TUBGCP5: variants seen among roughly 807,000 people sequenced by gnomAD.
TUBGCP5 encodes the protein tubulin gamma complex component 5.
In TUBGCP5, 98 loss-of-function variants were observed where a neutral mutation model predicts 134.7. The observed-to-expected ratio is 0.73, with a 90% CI of 0.62 to 0.86. The LOEUF (loss-of-function observed/expected upper bound fraction) is 0.86. TUBGCP5 is among the 40% of genes least tolerant of loss of function. The pLI is 0.00. For missense variants in TUBGCP5, 1,150 were observed against 1,244.8 expected (o/e 0.92, Z 1.15); for synonymous variants, 456 against 431.4 (o/e 1.06, Z -0.71).
At chr15:23,023,371 C>G (rs1016025346) in intron 10 of TUBGCP5, 1 of 151,772 alleles carries the variant, frequency 6.6e-6, no homozygotes, top group African/African-American at 2.4e-5. Context: ...ACAGATAACT[C>G]ACTGCCTGTG....
intron 3 of TUBGCP5, 21 bp downstream of exon 3, chr15:23,036,876 A>T (rs1377053698): frequency 1.4e-6 from 2 of 1,407,982 alleles, no homozygotes; most frequent in Non-Finnish European, 2.0e-6. Context: ...CACAGTGGAG[A>T]TCTCATAATT....
At chr15:22,991,628 C>A (rs2063848759) in intron 23 of TUBGCP5, among the ~76,000 whole-genome samples, 1 of 152,152 alleles carries the variant, frequency 6.6e-6, no homozygotes, top group Non-Finnish European at 1.5e-5. Flanking sequence ...GCCAGGACTG[C>A]CACTACTGCC....
chr15:22,998,357 T>C (rs545643508), downstream of TUBGCP5, among the ~76,000 whole-genome samples: 18 of 151,630 alleles, frequency 1.2e-4, 1 homozygote, highest in South Asian at 4.1e-4. Context: ...GTACCAACAG[T>C]TGGCCCTAAG....
chr15:23,026,126 C>T lies in TUBGCP5; in HGVS notation c.817G>A (p.Glu273Lys). 1 of 1,607,460 alleles carries T rather than the reference C, an allele frequency of 6.2e-7. No individual in the cohort carries two copies. Among genetic ancestry groups the T allele is most frequent in the Non-Finnish European group, 8.5e-7 (1 of 1,178,134 alleles). The change falls in exon 8 of 23, where the codon GAA (glutamate) becomes AAA (lysine). Residue 273 changes from glutamate (E) to lysine (K), a missense_variant. Around this residue, in one of 2 missense-constraint regions of TUBGCP5, gnomAD observed 453 missense variants for 394.7 expected, o/e 1.15. Coordinates refer to ENST00000615383, the MANE Select transcript of TUBGCP5 (RefSeq NM_052903.6). ...ATGAACATTTCTTACCATAGGGTTT[C>T]CCGAATAACCTGAGTCTCAGTAACC... ...VLVTETQVIR[E>K]TLWLLSGVKK...
At chr15:22,985,069 C>T (rs2063639742) in intron 23 of TUBGCP5, among the ~76,000 whole-genome samples, 1 of 152,142 alleles carries the variant, frequency 6.6e-6, no homozygotes, top group African/African-American at 2.4e-5. Flanking sequence ...CTTTAACTCA[C>T]ACTTCAGAAA....
At chr15:22,984,378 G>A (rs961339601) in intron 23 of TUBGCP5, among the ~76,000 whole-genome samples, 2 of 152,098 alleles carry the variant, frequency 1.3e-5, no homozygotes, top group African/African-American at 2.4e-5. Context: ...CCAGCACTTT[G>A]GGAGGCCAAG....
At chr15:23,032,317 T>C (rs994060327) in intron 4 of TUBGCP5, among the ~76,000 whole-genome samples, 1 of 152,162 alleles carries the variant, frequency 6.6e-6, no homozygotes, top group Admixed American at 6.5e-5. Flanking sequence ...TACACCACCC[T>C]CCGCAATGCT....
chr15:23,024,961 G>C (rs1329685591), intron 8 of TUBGCP5, 131 bp from the exon 9 acceptor site: 1 of 605,196 alleles, frequency 1.7e-6, no homozygotes, highest in Non-Finnish European at 3.0e-6. Flanking sequence ...GAGTGCAGCA[G>C]CATGATCACA....
intron 13 of TUBGCP5, among the ~76,000 whole-genome samples, chr15:23,011,711 A>G (rs1019990037): frequency 8.6e-6 from 1 of 116,190 alleles, no homozygotes. Context: ...GGGTTTCACC[A>G]TGTTGGTCAG....
chr15:22,994,660 A>G (rs917616060), downstream of TUBGCP5, among the ~76,000 whole-genome samples: 4 of 152,198 alleles, frequency 2.6e-5, no homozygotes, highest in Non-Finnish European at 4.4e-5. Context: ...TAAAGCCACT[A>G]TAAACATTTG....
At chr15:23,024,297 AG>A in intron 9 of TUBGCP5, 104 bp from the exon 10 acceptor site, 3 of 1,302,726 alleles carry the variant, frequency 2.3e-6, no homozygotes, top group Non-Finnish European at 3.1e-6. Flanking sequence ...TGTTTTAAAC[AG>A]TATGTTTAGT....
chr15:23,037,699 TC>T (rs2066675496), intron 1 of TUBGCP5, among the ~76,000 whole-genome samples: 1 of 152,180 alleles, frequency 6.6e-6, no homozygotes, highest in Admixed American at 6.5e-5. Context: ...TTTACAAATA[TC>T]TACAACTCTG....
chr15:23,020,576 C>T, intron 11 of TUBGCP5, among the ~76,000 whole-genome samples: 1 of 91,802 alleles, frequency 1.1e-5, no homozygotes, highest in South Asian at 3.9e-4. Context: ...CAGAGCAAGA[C>T]TACGTCTCAA....
chr15:22,992,821 TATAC>T (rs2063892312), intron 23 of TUBGCP5, among the ~76,000 whole-genome samples: 1 of 152,092 alleles, frequency 6.6e-6, no homozygotes, highest in Admixed American at 6.6e-5. Flanking sequence ...TAGGACAGAA[TATAC>T]ATAATAAACG....
chr15:23,031,559 C>T (rs1301954483), intron 5 of TUBGCP5, among the ~76,000 whole-genome samples: 1 of 152,004 alleles, frequency 6.6e-6, no homozygotes, highest in Non-Finnish European at 1.5e-5. Context: ...CTCAAGTGAT[C>T]CGCCTACCTC....
intron 11 of TUBGCP5, among the ~76,000 whole-genome samples, chr15:23,020,963 C>T (rs1215444313): frequency 6.6e-6 from 1 of 151,952 alleles, no homozygotes; most frequent in Non-Finnish European, 1.5e-5. Flanking sequence ...GGTGCGATCT[C>T]GGCTCACTGC....
At chr15:23,025,668 T>C (rs1038912882) in intron 8 of TUBGCP5, among the ~76,000 whole-genome samples, 2 of 151,944 alleles carry the variant, frequency 1.3e-5, no homozygotes, top group Admixed American at 1.3e-4. Context: ...CCGTCTCTAC[T>C]AAAAAAGTAA....
intron 23 of TUBGCP5, among the ~76,000 whole-genome samples, chr15:22,992,509 T>TCA (rs1422314675): frequency 1.3e-5 from 2 of 152,076 alleles, no homozygotes; most frequent in Admixed American, 1.3e-4. Context: ...TATATGTGTG[T>TCA]CACACACACA....
At chr15:23,037,486 C>T (rs1480853022) in intron 1 of TUBGCP5, among the ~76,000 whole-genome samples, 2 of 151,912 alleles carry the variant, frequency 1.3e-5, no homozygotes, top group South Asian at 2.1e-4. Context: ...TAGTGAGGCC[C>T]GGTGAAGCCT....
Sources: allele counts gnomAD v4.1 joint callset (sites outside exome capture counted in the v4.1 genomes callset), GRCh38; gene constraint gnomAD v4.1.1; regional missense constraint gnomAD v4.1.1; transcripts MANE v1.5; gene names NCBI Gene and HGNC (gene_info 2026-07-23, HGNC 2026-07-21).